CLPB: variants seen among roughly 807,000 people sequenced by gnomAD.
The protein encoded by CLPB is ClpB family mitochondrial disaggregase.
A neutral mutation model predicts 78.4 loss-of-function variants in CLPB; 40 were observed. That is an observed-to-expected ratio of 0.51 (90% CI 0.40 to 0.66). CLPB has a LOEUF of 0.66. Ranked by LOEUF, CLPB falls within the 30% of genes least tolerant of loss-of-function variation. The pLI is 0.00. For missense variants in CLPB, 780 were observed against 886.9 expected, an observed-to-expected ratio of 0.88 and a Z score of 1.53; for synonymous variants, 333 against 348.0, an observed-to-expected ratio of 0.96 and a Z score of 0.48.
intron 14 of CLPB, 48 bp from the exon 15 acceptor site, chr11:72,294,174 C>T (rs1949505351): frequency 1.2e-6 from 2 of 1,608,002 alleles, no homozygotes; most frequent in East Asian, 4.5e-5. Context: ...CCACTGCTTT[C>T]CATCTCTTGC....
chr11:72,427,557 G>A (rs960760956), intron 2 of CLPB, among the ~76,000 whole-genome samples: 1 of 152,128 alleles, frequency 6.6e-6, no homozygotes, highest in African/African-American at 2.4e-5. Flanking sequence ...CAACATCATA[G>A]TGCAACAAAT....
intron 2 of CLPB, chr11:72,407,999 C>T (rs1204513649): frequency 1.3e-5 from 11 of 822,084 alleles, no homozygotes; most frequent in Non-Finnish European, 2.2e-5. Context: ...TCTGGCTAAG[C>T]TTTGTCTCTT....
At chr11:72,319,500 C>T (rs1265017007) in intron 6 of CLPB, among the ~76,000 whole-genome samples, 3 of 152,218 alleles carry the variant, frequency 2.0e-5, no homozygotes, top group Non-Finnish European at 4.4e-5. Flanking sequence ...TCTTTTGGCT[C>T]ACAGTGAGGC....
chr11:72,314,221 A>G (rs1949899731), intron 7 of CLPB, among the ~76,000 whole-genome samples: 1 of 152,212 alleles, frequency 6.6e-6, no homozygotes. Context: ...CCAGGGGAGC[A>G]TGTGGCTTCA....
At chr11:72,326,015 A>G (rs985197285) in intron 6 of CLPB, among the ~76,000 whole-genome samples, 3 of 152,202 alleles carry the variant, frequency 2.0e-5, no homozygotes, top group African/African-American at 7.2e-5. Flanking sequence ...ATAGTCACTT[A>G]TAACAACTTG....
At chr11:72,402,944 T>C in intron 3 of CLPB, 22 bp downstream of exon 3, 1 of 1,606,824 alleles carries the variant, frequency 6.2e-7, no homozygotes. Flanking sequence ...AAAGGAGCCC[T>C]GTGTGGAAGG....
intron 4 of CLPB, among the ~76,000 whole-genome samples, 192 bp downstream of exon 4, chr11:72,380,089 T>C (rs1015095896): frequency 6.6e-6 from 1 of 151,470 alleles, no homozygotes; most frequent in Non-Finnish European, 1.5e-5. Context: ...TCTTTTGAAG[T>C]GACATAAAGT....
chr11:72,316,998 C>G (rs997998388), intron 7 of CLPB, 108 bp downstream of exon 7: 6 of 692,840 alleles, frequency 8.7e-6, no homozygotes, highest in Admixed American at 2.8e-5. Flanking sequence ...TAGTACTCAA[C>G]AAATGCTAAT....
chr11:72,377,449 T>C (rs1263797980), intron 4 of CLPB, among the ~76,000 whole-genome samples: 2 of 152,216 alleles, frequency 1.3e-5, no homozygotes, highest in African/African-American at 2.4e-5. Flanking sequence ...TTGCAGATCA[T>C]ATGAAATAAG....
intron 9 of CLPB, 157 bp from the exon 10 acceptor site, chr11:72,302,505 T>C: frequency 3.0e-6 from 2 of 672,804 alleles, no homozygotes. Flanking sequence ...TGACTTCCTG[T>C]CTCCTTTTCT....
chr11:72,380,227 G>C (rs1163740077), intron 4 of CLPB, 54 bp downstream of exon 4: 1 of 1,334,876 alleles, frequency 7.5e-7, no homozygotes, highest in Admixed American at 1.7e-5. Context: ...GAGCAAGGCT[G>C]CATGAAAGCC....
intron 5 of CLPB, among the ~76,000 whole-genome samples, chr11:72,350,540 T>C (rs1950596020): frequency 6.6e-6 from 1 of 152,252 alleles, no homozygotes; most frequent in Admixed American, 6.5e-5. Context: ...AACATCTATA[T>C]TCTACCAGAC....
intron 3 of CLPB, among the ~76,000 whole-genome samples, chr11:72,400,513 G>C (rs1456956518): frequency 6.6e-6 from 1 of 152,218 alleles, no homozygotes; most frequent in East Asian, 1.9e-4. Context: ...ATCACTAATT[G>C]ACAGTATTTT....
chr11:72,304,157 C>CT (rs1457625076), intron 9 of CLPB: 1 of 152,244 alleles, frequency 6.6e-6, no homozygotes, highest in African/African-American at 2.4e-5. Context: ...TTGGGCTTGA[C>CT]TTTCTTGGCC....
intron 5 of CLPB, among the ~76,000 whole-genome samples, chr11:72,338,000 C>T (rs1950352362): frequency 6.6e-6 from 1 of 152,180 alleles, no homozygotes; most frequent in Admixed American, 6.5e-5. Context: ...TGATATGATC[C>T]CTTGCCTTCA....
At chr11:72,368,438 A>C (rs55989089) in intron 4 of CLPB, among the ~76,000 whole-genome samples, 14,729 of 152,178 alleles carry the variant, frequency 0.097, 1,400 homozygotes, top group African/African-American at 0.24. Context: ...TCACTGACTG[A>C]GCTGGAAAGT....
In CLPB at chr11:72,416,810, A is replaced by T. The variant is rs575970774; in HGVS notation, c.455+13502T>A. 2.0e-5 allele frequency among the ~76,000 whole-genome samples: 3 copies of T among 152,274 alleles called. No individual in the cohort carries two copies. In the South Asian group the frequency reaches 6.2e-4, roughly 32 times the overall value. ...ATACAGAAATGGCCAATAAGCACAT[A>T]AAAAGATGCTCACATCATTAGCCAT... On this transcript the variant is annotated intron_variant, in intron 2 of 15. Coordinates refer to ENST00000538039, the MANE Select transcript of CLPB (RefSeq NM_001258392.3).
intron 5 of CLPB, among the ~76,000 whole-genome samples, chr11:72,346,752 T>C (rs1950522538): frequency 6.6e-6 from 1 of 151,496 alleles, no homozygotes; most frequent in African/African-American, 2.4e-5. Context: ...TTGAGATGGG[T>C]GGATCACCTG....
chr11:72,411,815 C>G (rs1855885653), intron 2 of CLPB: 1 of 152,394 alleles, frequency 6.6e-6, no homozygotes, highest in Middle Eastern at 3.4e-3. Context: ...CCGGATCCTT[C>G]ACATGAACCA....
Sources: allele counts gnomAD v4.1 joint callset (sites outside exome capture counted in the v4.1 genomes callset), GRCh38; gene constraint gnomAD v4.1.1; transcripts MANE v1.5; gene names NCBI Gene and HGNC (gene_info 2026-07-23, HGNC 2026-07-21).